NELL1: variants seen among roughly 807,000 people sequenced by gnomAD.
NELL1 encodes protein kinase C-binding protein NELL1.
NELL1 carries 76 observed loss-of-function variants against 107.4 expected under a neutral mutation model. That is an observed-to-expected ratio of 0.71 (90% CI 0.59 to 0.86). The LOEUF is 0.86. Ranked by LOEUF, NELL1 falls within the 40% of genes least tolerant of loss-of-function variation. The pLI, the probability that NELL1 is intolerant of heterozygous loss-of-function variation, is 0.00. For missense variants in NELL1, 1,024 were observed against 1,005.5 expected (o/e 1.02, Z -0.25); for synonymous variants, 353 against 341.2 (o/e 1.03, Z -0.38).
intron 14 of NELL1, among the ~76,000 whole-genome samples, chr11:21,291,755 T>TACACAACATACACAACCA (rs1849267678): frequency 1.3e-5 from 2 of 152,046 alleles, no homozygotes; most frequent in Non-Finnish European, 2.9e-5. Context: ...ATCCCTGGGA[T>TACACAACATACACAACCA]GCAAGCCTGG....
chr11:20,701,753 T>C (rs1423108410), intron 2 of NELL1, among the ~76,000 whole-genome samples: 1 of 152,172 alleles, frequency 6.6e-6, no homozygotes, highest in Non-Finnish European at 1.5e-5. Context: ...CAGCACCATT[T>C]ATTAAATGGG....
chr11:21,186,686 T>G (rs1590715458), intron 13 of NELL1, among the ~76,000 whole-genome samples: 1 of 151,856 alleles, frequency 6.6e-6, no homozygotes, highest in African/African-American at 2.4e-5. Context: ...TTAATGTTAT[T>G]TACTGGAGGA....
intron 12 of NELL1, chr11:21,000,754 T>C (rs1261918466): frequency 6.6e-6 from 1 of 152,220 alleles, no homozygotes; most frequent in Non-Finnish European, 1.5e-5. Context: ...TGCAGCAGGA[T>C]GTTAAAATAG....
At chr11:21,197,746 TG>T (rs1431294257) in intron 13 of NELL1, among the ~76,000 whole-genome samples, 1 of 152,142 alleles carries the variant, frequency 6.6e-6, no homozygotes, top group African/African-American at 2.4e-5. Flanking sequence ...ACTTTAACGA[TG>T]GGAGACTGTC....
At chr11:20,929,293 A>G (rs762571532) in intron 9 of NELL1, among the ~76,000 whole-genome samples, 4 of 152,212 alleles carry the variant, frequency 2.6e-5, no homozygotes, top group Admixed American at 6.5e-5. Flanking sequence ...CAATGTCAGT[A>G]GCCTTCAAAG....
chr11:21,179,862 C>CTTTTTTTTTTTTTTT (rs1164420669), intron 13 of NELL1, among the ~76,000 whole-genome samples: 10 of 75,702 alleles, frequency 1.3e-4, no homozygotes, highest in Non-Finnish European at 1.6e-4. Context: ...AATCAACACA[C>CTTTTTTTTTTTTTTT]TTTTTTTTTT....
intron 2 of NELL1, among the ~76,000 whole-genome samples, chr11:20,731,424 G>C (rs1855640762): frequency 6.6e-6 from 1 of 152,208 alleles, no homozygotes; most frequent in Admixed American, 6.5e-5. Context: ...TAAAGAACTG[G>C]AGCTAGGTTA....
intron 2 of NELL1, among the ~76,000 whole-genome samples, chr11:20,736,726 C>T (rs1194978117): frequency 6.6e-6 from 1 of 151,570 alleles, no homozygotes; most frequent in Admixed American, 6.6e-5. Flanking sequence ...TTCTGGACCC[C>T]TACCCTCCTC....
intron 12 of NELL1, among the ~76,000 whole-genome samples, chr11:20,963,710 A>G (rs1036481212): frequency 6.6e-6 from 1 of 152,160 alleles, no homozygotes; most frequent in Non-Finnish European, 1.5e-5. Context: ...CACAGCCTAG[A>G]AAGAAGTAAA....
intron 13 of NELL1, among the ~76,000 whole-genome samples, chr11:21,144,673 T>C (rs1197837567): frequency 6.6e-6 from 1 of 152,146 alleles, no homozygotes; most frequent in Non-Finnish European, 1.5e-5. Context: ...AGCGTGACTG[T>C]CTCAAGAGCG....
intron 5 of NELL1, among the ~76,000 whole-genome samples, chr11:20,893,723 A>G (rs879001359): frequency 6.6e-6 from 1 of 151,862 alleles, no homozygotes; most frequent in Admixed American, 6.6e-5. Flanking sequence ...GTTATTATCA[A>G]TTTAAGTGAT....
intron 12 of NELL1, among the ~76,000 whole-genome samples, chr11:21,043,466 G>A (rs957159433): frequency 1.3e-5 from 2 of 152,124 alleles, no homozygotes; most frequent in African/African-American, 4.8e-5. Context: ...AGGTCATGAT[G>A]TGCCTCCACC....
chr11:21,380,335 T>A (rs992579546), intron 15 of NELL1, among the ~76,000 whole-genome samples: 3 of 152,038 alleles, frequency 2.0e-5, no homozygotes, highest in African/African-American at 4.8e-5. Flanking sequence ...TCTTTTAAAA[T>A]TCTATTAAAG....
At chr11:21,393,608 C>T (rs542594115) in intron 15 of NELL1, among the ~76,000 whole-genome samples, 2 of 151,766 alleles carry the variant, frequency 1.3e-5, no homozygotes, top group South Asian at 4.1e-4. Context: ...TAGTGACCTG[C>T]ATTTGGCTAG....
intron 11 of NELL1, among the ~76,000 whole-genome samples, chr11:20,956,623 G>A (rs967503259): frequency 6.7e-6 from 1 of 148,640 alleles, no homozygotes; most frequent in Non-Finnish European, 1.5e-5. Context: ...TCCAGCCTGG[G>A]CAACAGAGCG....
At chr11:21,040,152 TACAC>T (rs562438446) in intron 12 of NELL1, among the ~76,000 whole-genome samples, 54 of 151,410 alleles carry the variant, frequency 3.6e-4, no homozygotes, top group Non-Finnish European at 6.5e-4. Context: ...TTGAAATTAT[TACAC>T]ACACACACTA....
chr11:20,718,669 T>C (rs922921551), intron 2 of NELL1, among the ~76,000 whole-genome samples: 6 of 152,118 alleles, frequency 3.9e-5, no homozygotes, highest in African/African-American at 1.4e-4. Flanking sequence ...GTATTGCTAG[T>C]CTTCAGACTG....
chr11:21,173,568 A>T (rs561176949), intron 13 of NELL1, among the ~76,000 whole-genome samples: 2 of 151,952 alleles, frequency 1.3e-5, no homozygotes, highest in South Asian at 4.1e-4. Flanking sequence ...CCTTCAGTTT[A>T]GTTCAACAGT....
intron 2 of NELL1, among the ~76,000 whole-genome samples, chr11:20,694,422 C>A (rs1854558709): frequency 6.6e-6 from 1 of 151,846 alleles, no homozygotes; most frequent in Non-Finnish European, 1.5e-5. Context: ...ATCTTTAATC[C>A]ATCTTGAGTT....
Sources: gnomAD v4.1 joint callset for allele counts (sites outside exome capture counted in the v4.1 genomes callset) on GRCh38, gnomAD v4.1.1 for gene constraint, MANE v1.5 for transcripts, NCBI Gene and HGNC (gene_info 2026-07-23, HGNC 2026-07-21) for gene names.